The following BANK1 variants were observed in gnomAD, a reference collection of about 807,000 sequenced individuals.
The protein encoded by BANK1 is B-cell scaffold protein with ankyrin repeats.
BANK1 carries 95 observed loss-of-function variants against 94.5 expected under a neutral mutation model. That is an observed-to-expected ratio of 1.00 (90% CI 0.85 to 1.19). The LOEUF is 1.19. BANK1 is among the 50% of genes most tolerant of loss of function. The pLI is 0.00. For missense variants in BANK1, 987 were observed against 932.2 expected (o/e 1.06, Z -0.77); for synonymous variants, 334 against 308.4 (o/e 1.08, Z -0.87).
intron 8 of BANK1, among the ~76,000 whole-genome samples, chr4:102,023,451 A>G (rs757120105): frequency 6.6e-6 from 1 of 152,226 alleles, no homozygotes; most frequent in Non-Finnish European, 1.5e-5. Flanking sequence ...CTGTAATAAT[A>G]AAACATTATT....
chr4:102,058,277 T>C (rs1047053610), intron 11 of BANK1, among the ~76,000 whole-genome samples: 4 of 152,114 alleles, frequency 2.6e-5, no homozygotes, highest in African/African-American at 9.6e-5. Context: ...ATGACCAATA[T>C]TTGATCAAAT....
At chr4:101,822,953 T>A (rs1468839566) in intron 1 of BANK1, among the ~76,000 whole-genome samples, 1 of 152,164 alleles carries the variant, frequency 6.6e-6, no homozygotes, top group Non-Finnish European at 1.5e-5. Flanking sequence ...TGATGGTATT[T>A]AGGTTGATTG....
intron 10 of BANK1, among the ~76,000 whole-genome samples, chr4:102,035,520 T>C (rs1344737785): frequency 2.6e-5 from 4 of 151,802 alleles, no homozygotes; most frequent in Non-Finnish European, 1.5e-5. Context: ...TGGTGGCGGG[T>C]GCCTGTAGTC....
intron 7 of BANK1, among the ~76,000 whole-genome samples, chr4:101,986,789 G>GTATATATATGTGTATATATATGTA (rs1725494520): frequency 1.0e-5 from 1 of 95,444 alleles, no homozygotes; most frequent in Non-Finnish European, 2.2e-5. Context: ...ATATATGTGT[G>GTATATATATGTGTATATATATGTA]TATATATATG....
chr4:101,866,007 A>G (rs1728055281), intron 4 of BANK1, among the ~76,000 whole-genome samples: 1 of 152,168 alleles, frequency 6.6e-6, no homozygotes, highest in East Asian at 1.9e-4. Flanking sequence ...CCTTACATCT[A>G]GTCATAAACC....
intron 1 of BANK1, among the ~76,000 whole-genome samples, chr4:101,806,970 C>T (rs1725575228): frequency 6.6e-6 from 1 of 152,144 alleles, no homozygotes. Flanking sequence ...CTCAAATACC[C>T]TAAGTTCACA....
In BANK1 at chr4:101,862,738, T is replaced by C. The variant is rs1727928267; in HGVS notation, c.763+74T>C. 4 of 1,380,012 alleles carry C rather than the reference T, an allele frequency of 2.9e-6. No homozygotes were observed. In the African/African-American group the frequency reaches 4.5e-5, roughly 15 times the overall value. The allele number at this position is 1,380,012 out of a possible 1,614,324, so 85.5% of individuals were successfully genotyped here. Reference sequence around the variant, plus strand: ...TTCCAATAAATTTATAATAAATGGTTTCACTTCCTTACAAAAACTAATATT... The same window carrying C: ...TTCCAATAAATTTATAATAAATGGTCTCACTTCCTTACAAAAACTAATATT... On this transcript the variant is annotated intron_variant, in intron 4 of 16. Coordinates refer to ENST00000322953, the MANE Select transcript of BANK1 (RefSeq NM_017935.5).
intron 11 of BANK1, among the ~76,000 whole-genome samples, chr4:102,054,488 T>G (rs924852210): frequency 1.3e-4 from 20 of 152,212 alleles, no homozygotes; most frequent in African/African-American, 4.3e-4. Context: ...CTCATCTACC[T>G]GGCTCCAAAT....
chr4:101,889,452 G>T (rs11931619), intron 5 of BANK1, among the ~76,000 whole-genome samples: 6 of 151,388 alleles, frequency 4.0e-5, no homozygotes, highest in Non-Finnish European at 7.4e-5. Context: ...CAAAAAATTA[G>T]CCGGGCGCGG....
At chr4:102,053,978 A>C (rs186760663) in intron 11 of BANK1, among the ~76,000 whole-genome samples, 1 of 152,140 alleles carries the variant, frequency 6.6e-6, no homozygotes, top group East Asian at 1.9e-4. Flanking sequence ...ATACATATAT[A>C]TGTCTTTATA....
chr4:102,054,568 A>G (rs897718562), intron 11 of BANK1, among the ~76,000 whole-genome samples: 2 of 152,110 alleles, frequency 1.3e-5, no homozygotes, highest in Admixed American at 1.3e-4. Context: ...TAGCGGCAGA[A>G]AAACTCCACC....
chr4:102,032,914 G>A (rs1727371508), intron 10 of BANK1, among the ~76,000 whole-genome samples: 1 of 151,268 alleles, frequency 6.6e-6, no homozygotes, highest in South Asian at 2.1e-4. Context: ...AAAAAATGAA[G>A]CACCAAATGC....
At chr4:101,959,102 C>T (rs1319440773) in intron 7 of BANK1, among the ~76,000 whole-genome samples, 1 of 151,750 alleles carries the variant, frequency 6.6e-6, no homozygotes, top group Non-Finnish European at 1.5e-5. Context: ...GTACTAAAAA[C>T]TATTATTATT....
intron 6 of BANK1, among the ~76,000 whole-genome samples, chr4:101,911,977 A>G (rs1156622161): frequency 3.3e-5 from 5 of 152,174 alleles, no homozygotes; most frequent in Non-Finnish European, 7.4e-5. Context: ...ATAACAGGAA[A>G]TAGGCTCTCT....
rs190421540 is a variant in BANK1 at position 101,927,105 on chromosome 4, A to G, written c.1206+8916A>G. Among the ~76,000 whole-genome samples the G allele has an allele frequency of 4.8e-3, 725 of 151,838 alleles. 7 individuals are homozygous for G. The highest frequency in any genetic ancestry group is 0.016 in the African/African-American group (677 of 41,478). Reference sequence around the variant, plus strand: ...AATTGCCGGAAACTGGGTAATTTATAAAGAAAAGAGGTTTAATTCACTCAC... The same window carrying G: ...AATTGCCGGAAACTGGGTAATTTATGAAGAAAAGAGGTTTAATTCACTCAC... On this transcript the variant is annotated intron_variant, in intron 7 of 16. Transcript: ENST00000322953.
At chr4:101,809,811 A>T (rs946596488) in intron 1 of BANK1, among the ~76,000 whole-genome samples, 3 of 152,234 alleles carry the variant, frequency 2.0e-5, no homozygotes, top group African/African-American at 7.2e-5. Flanking sequence ...GGAAAGGAAG[A>T]GAAGGAACTA....
At chr4:101,888,262 C>T (rs1038888402) in intron 5 of BANK1, among the ~76,000 whole-genome samples, 15 of 152,292 alleles carry the variant, frequency 9.8e-5, no homozygotes, top group African/African-American at 3.6e-4. Context: ...TTTAACTAAC[C>T]TTGCAGTTAG....
At chr4:101,990,759 C>T (rs985791245) in intron 7 of BANK1, among the ~76,000 whole-genome samples, 74 of 152,228 alleles carry the variant, frequency 4.9e-4, no homozygotes, top group African/African-American at 1.7e-3. Flanking sequence ...TATTTTGAAA[C>T]ATTCAACATC....
intron 7 of BANK1, among the ~76,000 whole-genome samples, chr4:101,957,026 C>T (rs1415969394): frequency 6.6e-6 from 1 of 152,160 alleles, no homozygotes; most frequent in African/African-American, 2.4e-5. Context: ...GTTCCTACGA[C>T]CATTTTTATT....
Sources: gnomAD v4.1 joint callset for allele counts (sites outside exome capture counted in the v4.1 genomes callset) on GRCh38, gnomAD v4.1.1 for gene constraint, MANE v1.5 for transcripts, NCBI Gene and HGNC (gene_info 2026-07-23, HGNC 2026-07-21) for gene names.